The following DENND4C variants were observed in gnomAD, a reference collection of about 807,000 sequenced individuals.
DENND4C encodes DENN domain containing 4C.
DENND4C carries 108 observed loss-of-function variants against 203.0 expected under a neutral mutation model. The observed-to-expected ratio is 0.53, with a 90% CI of 0.46 to 0.62. The LOEUF is 0.62. DENND4C is among the 20% of genes least tolerant of loss of function. The pLI, the probability that DENND4C is intolerant of heterozygous loss-of-function variation, is 0.00. For synonymous variants in DENND4C, 871 were observed against 792.4 expected, an observed-to-expected ratio of 1.10 and a Z score of -1.67; for missense variants, 2,481 against 2,301.2, an observed-to-expected ratio of 1.08 and a Z score of -1.60.
At chr9:19,250,496 T>C (rs891783253) in intron 1 of DENND4C, among the ~76,000 whole-genome samples, 9 of 152,052 alleles carry the variant, frequency 5.9e-5, no homozygotes, top group Admixed American at 4.6e-4. Flanking sequence ...CCAAAGTGTT[T>C]AGATTACAAA....
At chr9:19,321,599 T>C (rs1842887539) in intron 12 of DENND4C, among the ~76,000 whole-genome samples, 1 of 151,388 alleles carries the variant, frequency 6.6e-6, no homozygotes. Context: ...AATCCCAGCA[T>C]TTTGGGAGGC....
At chr9:19,244,092 G>A (rs996315383) in intron 1 of DENND4C, among the ~76,000 whole-genome samples, 10 of 151,980 alleles carry the variant, frequency 6.6e-5, no homozygotes, top group Admixed American at 2.0e-4. Flanking sequence ...GTGCAGTGGC[G>A]CAATCTCGGC....
chr9:19,231,270 G>C (rs948650561), intron 1 of DENND4C, among the ~76,000 whole-genome samples: 1 of 152,184 alleles, frequency 6.6e-6, no homozygotes, highest in Admixed American at 6.5e-5. Flanking sequence ...AGCCAGGGGT[G>C]GCGGGCAGTC....
intron 1 of DENND4C, among the ~76,000 whole-genome samples, chr9:19,272,945 C>CTTTT (rs35973945): frequency 4.6e-5 from 4 of 86,608 alleles, no homozygotes; most frequent in Non-Finnish European, 6.8e-5. Flanking sequence ...TTTTTGTATC[C>CTTTT]TTTTTTTTTT....
intron 1 of DENND4C, among the ~76,000 whole-genome samples, chr9:19,249,000 A>C (rs1335971285): frequency 6.6e-6 from 1 of 151,956 alleles, no homozygotes; most frequent in Non-Finnish European, 1.5e-5. Context: ...CATGTTGGTC[A>C]TGTTGGTCCC....
At chr9:19,276,001 A>C (rs1174733921) in intron 1 of DENND4C, among the ~76,000 whole-genome samples, 157 bp from the exon 2 acceptor site, 1 of 152,220 alleles carries the variant, frequency 6.6e-6, no homozygotes, top group African/African-American at 2.4e-5. Context: ...TTACCAACTG[A>C]CAAGATGATA....
At chr9:19,289,549 C>A (rs986053626) in intron 4 of DENND4C, among the ~76,000 whole-genome samples, 2 of 152,112 alleles carry the variant, frequency 1.3e-5, no homozygotes, top group Non-Finnish European at 2.9e-5. Flanking sequence ...ATACTGTAGG[C>A]TGGGCATGGT....
intron 10 of DENND4C, among the ~76,000 whole-genome samples, chr9:19,309,138 G>A (rs73435120): frequency 0.016 from 2,361 of 152,186 alleles, 56 homozygotes; most frequent in African/African-American, 0.054. Flanking sequence ...AAAATTGCTT[G>A]TAGGCCGGGA....
intron 31 of DENND4C, chr9:19,370,195 C>A: frequency 1.8e-6 from 1 of 554,192 alleles, no homozygotes; most frequent in Non-Finnish European, 3.1e-6. Context: ...CGGTGGCTCA[C>A]ACCTGTAATC....
chr9:19,279,918 C>T (rs1833692764), intron 2 of DENND4C, among the ~76,000 whole-genome samples: 1 of 151,828 alleles, frequency 6.6e-6, no homozygotes, highest in South Asian at 2.1e-4. Context: ...TATATGAATT[C>T]AAGGGTTGTT....
intron 26 of DENND4C, among the ~76,000 whole-genome samples, chr9:19,356,112 A>T (rs1216053762): frequency 6.6e-6 from 1 of 152,088 alleles, no homozygotes; most frequent in Non-Finnish European, 1.5e-5. Flanking sequence ...GAGCACGCAA[A>T]TATCTACCCC....
At chr9:19,238,144 G>A (rs1458058382) in intron 1 of DENND4C, among the ~76,000 whole-genome samples, 4 of 150,708 alleles carry the variant, frequency 2.7e-5, no homozygotes, top group Admixed American at 6.6e-5. Context: ...GTGCAATGGC[G>A]TGATCTCAGC....
chr9:19,295,907 AGT>A (rs1837368751), intron 5 of DENND4C, 99 bp from the exon 6 acceptor site: 1 of 880,266 alleles, frequency 1.1e-6, no homozygotes, highest in Non-Finnish European at 1.8e-6. Flanking sequence ...TATCTGTATA[AGT>A]GTACTCCAAG....
chr9:19,313,531 G>A (rs1221880335), intron 10 of DENND4C, among the ~76,000 whole-genome samples: 2 of 152,276 alleles, frequency 1.3e-5, no homozygotes, highest in African/African-American at 2.4e-5. Context: ...TTAAAAGATA[G>A]CACTAAAATA....
chr9:19,278,171 C>T (rs1323436499), intron 2 of DENND4C, among the ~76,000 whole-genome samples: 3 of 147,410 alleles, frequency 2.0e-5, no homozygotes, highest in South Asian at 2.1e-4. Context: ...AGTCTGGCTT[C>T]GTTGCCCAGG....
chr9:19,314,532 C>G (rs1841399953), intron 10 of DENND4C, among the ~76,000 whole-genome samples: 1 of 152,076 alleles, frequency 6.6e-6, no homozygotes, highest in Non-Finnish European at 1.5e-5. Context: ...TTCATGTAAC[C>G]AGACACCACC....
At chr9:19,364,180 C>T (rs1320805657) in intron 30 of DENND4C, among the ~76,000 whole-genome samples, 5 of 151,830 alleles carry the variant, frequency 3.3e-5, no homozygotes, top group Non-Finnish European at 4.4e-5. Context: ...GAGACCTCCC[C>T]GCCTTCCTGT....
rs1215147199 is a variant in DENND4C, at chr9:19,372,195, G to C, written c.*22G>C. On this transcript the variant is annotated 3_prime_UTR_variant, in exon 33 of 33. Coordinates refer to ENST00000434457, the MANE Select transcript of DENND4C (RefSeq NM_001330640.2). ...TTAAATAGAGATTCACTAGAATGTT[G>C]ACACACAAGGCTTGGGGATTAGATT... The C allele has an allele frequency of 2.5e-6, 4 of 1,596,584 alleles. No individual in the cohort carries two copies. The African/African-American group carries it at 5.4e-5, about 22-fold the overall frequency.
In DENND4C at chr9:19,350,769, C is replaced by T. The variant is rs771150221; in HGVS notation, c.4385C>T (p.Ser1462Leu). ...GACCATATTTTGGGGGAGAATATAT[C>T]GCCTAACACAAGTATCTCAGGGTTG... The part of the protein sequence containing the change: ...LEDHILGENI[S>L]PNTSISGLVP... The change falls in exon 24 of 33, where the codon TCG (serine) becomes TTG (leucine). Residue 1462 changes from serine (S) to leucine (L), a missense_variant. This residue lies in a region of DENND4C where 2,289 missense variants were observed against 2,113.3 expected (regional missense o/e 1.08). Coordinates refer to ENST00000434457, the MANE Select transcript of DENND4C (RefSeq NM_001330640.2). 64 of 1,613,516 alleles carry T rather than the reference C, an allele frequency of 4.0e-5. 2 individuals carry two copies. The South Asian group carries it at 4.1e-4, about 10-fold the overall frequency.
Sources: allele counts gnomAD v4.1 joint callset (sites outside exome capture counted in the v4.1 genomes callset), GRCh38; gene constraint gnomAD v4.1.1; regional missense constraint gnomAD v4.1.1; transcripts MANE v1.5; gene names NCBI Gene and HGNC (gene_info 2026-07-23, HGNC 2026-07-21).